Variants in DNAJC1 observed in about 807,000 individuals in gnomAD.
DNAJC1 encodes the protein DnaJ heat shock protein family (Hsp40) member C1.
A neutral mutation model predicts 76.6 loss-of-function variants in DNAJC1; 58 were observed. The observed-to-expected ratio is 0.76, with a 90% CI of 0.61 to 0.94. DNAJC1 has a LOEUF of 0.94. DNAJC1 is among the 40% of genes least tolerant of loss of function. DNAJC1 has a pLI of 0.00. For synonymous variants in DNAJC1, 258 were observed against 267.9 expected, an observed-to-expected ratio of 0.96 and a Z score of 0.36; for missense variants, 689 against 677.3, an observed-to-expected ratio of 1.02 and a Z score of -0.19.
intron 9 of DNAJC1, among the ~76,000 whole-genome samples, chr10:21,767,133 G>C (rs1035112599): frequency 1.1e-4 from 17 of 152,094 alleles, no homozygotes; most frequent in Admixed American, 1.1e-3. Flanking sequence ...AGTGTTATAA[G>C]ATAAAAGTCC....
In DNAJC1 at chr10:21,827,826, T is replaced by C. The variant is rs770068141; in HGVS notation, c.979-21727A>G. ...CCCACTATACATTGATGACTACATA[T>C]AATTTATTCATCATTATTCTCCTTT... On this transcript the variant is annotated intron_variant, in intron 8 of 11. Transcript: ENST00000376980. 2.0e-5 allele frequency among the ~76,000 whole-genome samples: 3 copies of C among 152,246 alleles called. 1 individual carries two copies. The highest frequency in any genetic ancestry group is 4.4e-5 in the Non-Finnish European group (3 of 68,048).
At chr10:21,759,984 G>T (rs191478631) in intron 10 of DNAJC1, among the ~76,000 whole-genome samples, 1 of 152,318 alleles carries the variant, frequency 6.6e-6, no homozygotes, top group East Asian at 1.9e-4. Context: ...GGATTCACTG[G>T]CTCCACTGGA....
chr10:21,813,026 TACACACACACACAC>T (rs149245778), intron 8 of DNAJC1, among the ~76,000 whole-genome samples: 7 of 132,470 alleles, frequency 5.3e-5, no homozygotes, highest in South Asian at 4.8e-4. Flanking sequence ...TACACACACA[TACACACACACACAC>T]ACACACACAC....
chr10:21,790,010 TAAAAAAAAAAAA>T (rs35639440), intron 9 of DNAJC1, among the ~76,000 whole-genome samples: 1 of 41,064 alleles, frequency 2.4e-5, no homozygotes, highest in South Asian at 1.4e-3. Flanking sequence ...GCTCTGTCTT[TAAAAAAAAAAAA>T]AAAAAAAAAA....
At chr10:21,992,655 G>A (rs1040242025) in intron 1 of DNAJC1, among the ~76,000 whole-genome samples, 1 of 152,148 alleles carries the variant, frequency 6.6e-6, no homozygotes, top group Non-Finnish European at 1.5e-5. Context: ...CTATTGCACA[G>A]TGCTGCTCTA....
At chr10:21,795,772 G>A (rs1834744376) in intron 9 of DNAJC1, among the ~76,000 whole-genome samples, 1 of 152,028 alleles carries the variant, frequency 6.6e-6, no homozygotes, top group Non-Finnish European at 1.5e-5. Flanking sequence ...TATATCCATT[G>A]AACAACAACT....
intron 8 of DNAJC1, among the ~76,000 whole-genome samples, chr10:21,852,092 TACACACACACACACACACACACAC>T (rs58289439): frequency 4.1e-5 from 6 of 146,198 alleles, no homozygotes; most frequent in Non-Finnish European, 6.0e-5. Context: ...AATTGTGAGA[TACACACACACACACACACACACAC>T]ACACACACAC....
chr10:21,805,921 T>A, intron 9 of DNAJC1, 59 bp downstream of exon 9: 2 of 1,602,594 alleles, frequency 1.2e-6, no homozygotes, highest in South Asian at 2.2e-5. Flanking sequence ...GTCTGCCTTC[T>A]ACATAGCTGA....
intron 8 of DNAJC1, among the ~76,000 whole-genome samples, chr10:21,824,266 C>T (rs1172114799): frequency 6.6e-6 from 1 of 152,220 alleles, no homozygotes; most frequent in Admixed American, 6.5e-5. Context: ...GCTGTCATAC[C>T]CCACACCAAA....
At chr10:21,851,219 G>A (rs926051212) in intron 8 of DNAJC1, among the ~76,000 whole-genome samples, 1 of 152,166 alleles carries the variant, frequency 6.6e-6, no homozygotes, top group Non-Finnish European at 1.5e-5. Flanking sequence ...CCTACAGGAT[G>A]AGAGAAAATA....
chr10:21,850,184 C>T (rs183312246), intron 8 of DNAJC1, among the ~76,000 whole-genome samples: 8 of 152,132 alleles, frequency 5.3e-5, no homozygotes, highest in Admixed American at 2.0e-4. Flanking sequence ...AAATTATCTC[C>T]GTTCACAGAT....
At chr10:21,857,116 T>G (rs1835847544) in intron 8 of DNAJC1, among the ~76,000 whole-genome samples, 1 of 152,210 alleles carries the variant, frequency 6.6e-6, no homozygotes, top group Admixed American at 6.5e-5. Context: ...ACAACTATCC[T>G]TATTAATAAA....
At chr10:21,967,014 C>CTTT (rs11427152) in intron 1 of DNAJC1, among the ~76,000 whole-genome samples, 8 of 138,760 alleles carry the variant, frequency 5.8e-5, no homozygotes, top group African/African-American at 1.6e-4. Flanking sequence ...TCTTCTTCTT[C>CTTT]TTTTTTTTTT....
chr10:21,997,499 T>C (rs1260842655), intron 1 of DNAJC1, among the ~76,000 whole-genome samples: 1 of 152,194 alleles, frequency 6.6e-6, no homozygotes, highest in Non-Finnish European at 1.5e-5. Context: ...CATAGCTTTC[T>C]GACTGATCAG....
intron 9 of DNAJC1, among the ~76,000 whole-genome samples, chr10:21,768,288 T>C (rs901724671): frequency 6.6e-6 from 1 of 152,198 alleles, no homozygotes; most frequent in Non-Finnish European, 1.5e-5. Flanking sequence ...TTAATCCATG[T>C]ATATTCTCGA....
intron 8 of DNAJC1, among the ~76,000 whole-genome samples, chr10:21,875,460 G>T (rs1009972677): frequency 6.6e-6 from 1 of 152,124 alleles, no homozygotes; most frequent in African/African-American, 2.4e-5. Context: ...CCAGCCACAA[G>T]TTAAATAAAC....
At chr10:21,868,112 A>C (rs1422926415) in intron 8 of DNAJC1, among the ~76,000 whole-genome samples, 1 of 139,486 alleles carries the variant, frequency 7.2e-6, no homozygotes, top group Admixed American at 7.6e-5. Flanking sequence ...CAACAACTGG[A>C]AACAATGAAA....
Position 22,003,232 on chromosome 10 carries a change from T to C in DNAJC1, c.203A>G (p.Gln68Arg). The C allele has an allele frequency of 2.6e-6, 4 of 1,566,790 alleles. No individual in the cohort carries two copies. In the South Asian group the frequency reaches 3.5e-5, roughly 14 times the overall value. Reference protein sequence around the residue: ...LVEEVQLNFYQFLGVQQDASS... With the variant: ...LVEEVQLNFYRFLGVQQDASS... Reference sequence around the variant, plus strand: ...GCTTACCTGCTGCACCCCGAGGAACTGGTAGAAGTTGAGCTGCACCTCCTC... The same window carrying C: ...GCTTACCTGCTGCACCCCGAGGAACCGGTAGAAGTTGAGCTGCACCTCCTC... Residue 68 changes from glutamine to arginine, a missense_variant, in exon 1 of 12, where the codon CAG becomes CGG. Coordinates refer to ENST00000376980, the MANE Select transcript of DNAJC1 (RefSeq NM_022365.4).
intron 1 of DNAJC1, among the ~76,000 whole-genome samples, chr10:21,941,283 A>C (rs1181238416): frequency 6.7e-6 from 1 of 149,626 alleles, no homozygotes; most frequent in Non-Finnish European, 1.5e-5. Context: ...AAAAAAAAAA[A>C]AAAAAAAAAC....
Sources: allele counts gnomAD v4.1 joint callset (sites outside exome capture counted in the v4.1 genomes callset), GRCh38; gene constraint gnomAD v4.1.1; transcripts MANE v1.5; gene names NCBI Gene and HGNC (gene_info 2026-07-23, HGNC 2026-07-21).